The following PTPRU variants were observed in gnomAD, a reference collection of about 807,000 sequenced individuals.
PTPRU encodes the protein receptor-type tyrosine-protein phosphatase U.
A neutral mutation model predicts 166.3 loss-of-function variants in PTPRU; 69 were observed. The ratio of observed to expected loss-of-function variants is 0.41; its 90% CI spans 0.34 to 0.51. The LOEUF (loss-of-function observed/expected upper bound fraction) is 0.51. Ranked by LOEUF, PTPRU falls within the 20% of genes least tolerant of loss-of-function variation. The pLI is 0.09. For synonymous variants in PTPRU, 793 were observed against 814.0 expected (o/e 0.97, Z 0.44); for missense variants, 1,657 against 2,013.7 (o/e 0.82, Z 3.39).
At position 29,304,698 on chromosome 1, in the gene PTPRU, A is replaced by G. The variant is rs371199232; in HGVS notation, c.2668-76A>G. The G allele has an allele frequency of 1.2e-5, 14 of 1,179,600 alleles. No homozygotes were observed. The East Asian group carries it at 3.6e-4, about 30-fold the overall frequency. The allele number at this position is 1,179,600 out of a possible 1,614,324, so 73.1% of individuals were successfully genotyped here. A position where few individuals can be genotyped will look rare whatever the true frequency, so the allele number is the denominator to read the frequency against. ...ATCATCCCACCCCCATCCTGCCTAC[A>G]TCATCCCCACTGAGGGGAAGGGGCC... is the stretch of plus-strand genomic sequence containing the variant. On this transcript the variant is annotated intron_variant, in intron 16 of 29. Coordinates refer to ENST00000373779, the MANE Select transcript of PTPRU (RefSeq NM_133178.4).
chr1:29,259,225 A>G (rs1231626944), intron 3 of PTPRU, 36 bp from the exon 4 acceptor site: 5 of 1,583,222 alleles, frequency 3.2e-6, no homozygotes, highest in African/African-American at 1.4e-5. Context: ...GGCTGGAGGA[A>G]TATCAGTATG....
At chr1:29,277,551 G>A (rs932245610) in intron 8 of PTPRU, among the ~76,000 whole-genome samples, 2 of 152,128 alleles carry the variant, frequency 1.3e-5, no homozygotes, top group African/African-American at 4.8e-5. Flanking sequence ...ATGTTCCAGT[G>A]TATTTGAAAA....
At position 29,260,759 on chromosome 1, in the gene PTPRU, G is replaced by T. The variant is rs1574625378; in HGVS notation, c.1000G>T (p.Val334Leu). 1 of 1,612,966 alleles carries T rather than the reference G, an allele frequency of 6.2e-7. No individual in the cohort carries two copies. ...YRMARGPWAE[V>L]HAVSLQTYKL... Reference sequence around the variant, plus strand: ...CATGGCGCGCGGGCCCTGGGCTGAGGTGCACGCCGTCAGCCTGCAGACCTA... The same window carrying T: ...CATGGCGCGCGGGCCCTGGGCTGAGTTGCACGCCGTCAGCCTGCAGACCTA... The change falls in exon 7 of 30, where the codon GTG becomes TTG. Residue 334 changes from valine (V) to leucine (L), a missense_variant. This residue lies in a region of PTPRU where 453 missense variants were observed against 496.9 expected (regional missense o/e 0.91). Coordinates refer to ENST00000373779, the MANE Select transcript of PTPRU (RefSeq NM_133178.4). This position sits in a 1 kb window ranked among gnomAD's most constrained non-coding sequence, Gnocchi z 8.3.
intron 26 of PTPRU, among the ~76,000 whole-genome samples, chr1:29,323,062 G>A (rs934008024): frequency 2.0e-5 from 3 of 152,216 alleles, no homozygotes; most frequent in African/African-American, 7.2e-5. Context: ...GCCTCATGTA[G>A]GAGCGTGTGA....
rs755703576 is a variant in PTPRU, at chr1:29,320,857, G to A, written c.3828+32G>A. ...CCTCCACTGGCCAGGCCAATGGGCC[G>A]CCTGCTCCCAGGTCCTCTGTGTATT... On this transcript the variant is annotated intron_variant, in intron 26 of 29. Coordinates refer to ENST00000373779, the MANE Select transcript of PTPRU (RefSeq NM_133178.4). This position sits in a 1 kb window ranked among gnomAD's most constrained non-coding sequence, Gnocchi z 5.2. 2.2e-5 allele frequency: 34 copies of A among 1,518,686 alleles called. No individual in the cohort carries two copies. Among genetic ancestry groups the A allele is most frequent in the South Asian group, 3.9e-5 (3 of 77,142 alleles). The allele number at this position is 1,518,686 out of a possible 1,614,324, so 94.1% of individuals were successfully genotyped here.
intron 1 of PTPRU, among the ~76,000 whole-genome samples, chr1:29,240,214 T>G (rs1313536464): frequency 6.6e-6 from 1 of 151,214 alleles, no homozygotes; most frequent in Non-Finnish European, 1.5e-5. Flanking sequence ...TGATGCCCTG[T>G]CCTAGCCTAG....
chr1:29,259,828 C>A (rs770417978), intron 5 of PTPRU, 42 bp from the exon 6 acceptor site: 2 of 1,498,132 alleles, frequency 1.3e-6, no homozygotes, highest in South Asian at 1.3e-5. Flanking sequence ...CGGGACCCCT[C>A]GCTCCGAGGC....
Position 29,323,495 on chromosome 1 carries a change from G to A in PTPRU, c.3953G>A (p.Arg1318Gln), listed in dbSNP as rs755425089. The A allele has an allele frequency of 1.2e-6, 2 of 1,610,056 alleles. No homozygotes were observed. The highest frequency in any genetic ancestry group is 1.7e-6 in the Non-Finnish European group (2 of 1,178,336). ...ARVFRVQNIS[R>Q]LQEGHLLVRH... Reference sequence around the variant, plus strand: ...GTCTTCCGGGTGCAGAACATCTCTCGGGTGAGTGGTCTGAGGAGCCCCAGG... The same window carrying A: ...GTCTTCCGGGTGCAGAACATCTCTCAGGTGAGTGGTCTGAGGAGCCCCAGG... The change falls in exon 27 of 30, where the codon CGG (arginine) becomes CAG (glutamine). Residue 1318 changes from arginine (R) to glutamine (Q), a missense_variant and splice_region_variant. By Grantham distance (43) the Arg-to-Gln change is conservative (BLOSUM62 1). Transcript: ENST00000373779.
At position 29,297,052 on chromosome 1, in the gene PTPRU, G is replaced by GTTT. The variant is rs35789721; in HGVS notation, c.2476+5043_2476+5045dup. The stretch of plus-strand genomic sequence containing the variant: ...TACCATTTTACCCTGCTTAGTAGCT[G>GTTT]TTTTTTTTTTTTTTTTTTTGAAACA... On this transcript the variant is annotated intron_variant, in intron 15 of 29. Transcript: ENST00000373779. Among the ~76,000 whole-genome samples, 245 of 111,386 alleles carry GTTT rather than the reference G, an allele frequency of 2.2e-3. 14 individuals carry two copies. Among genetic ancestry groups the GTTT allele is most frequent in the African/African-American group, 6.8e-3 (196 of 28,814 alleles). 73.1% of individuals were successfully genotyped at this position (111,386 alleles called of 152,430 possible).
At chr1:29,298,955 C>T (rs1557463831) in intron 15 of PTPRU, among the ~76,000 whole-genome samples, 1 of 152,326 alleles carries the variant, frequency 6.6e-6, no homozygotes, top group South Asian at 2.1e-4. Flanking sequence ...GCTCTTATTA[C>T]AGGCTGTGCT....
chr1:29,285,360 G>A (rs1489197251), intron 14 of PTPRU, among the ~76,000 whole-genome samples: 1 of 152,160 alleles, frequency 6.6e-6, no homozygotes, highest in Non-Finnish European at 1.5e-5. Flanking sequence ...GGCTCAACTT[G>A]CCCTGGACCC....
intron 1 of PTPRU, among the ~76,000 whole-genome samples, chr1:29,248,782 G>A (rs997281459): frequency 6.6e-6 from 1 of 152,002 alleles, no homozygotes; most frequent in Non-Finnish European, 1.5e-5. Flanking sequence ...TCCCCCTTAG[G>A]TGCAGGCTTA....
rs777679604 is a variant in PTPRU at position 29,303,850 on chromosome 1, T to G, written c.2477-5T>G. 13 of 1,599,832 alleles carry G rather than the reference T, an allele frequency of 8.1e-6. No individual in the cohort carries two copies. In the South Asian group the frequency reaches 1.4e-4, roughly 18 times the overall value. On this transcript the variant is annotated splice_region_variant and splice_polypyrimidine_tract_variant and intron_variant, in intron 15 of 29. Transcript: ENST00000373779. ...AAGAACCCTTTTGTCTTTCTCTGACTGCAGGAGACCAGCGCAGCGGTGGGG... is the reference window on the plus strand; with the variant it reads ...AAGAACCCTTTTGTCTTTCTCTGACGGCAGGAGACCAGCGCAGCGGTGGGG...
intron 24 of PTPRU, among the ~76,000 whole-genome samples, chr1:29,316,633 C>T (rs1467265682): frequency 6.6e-6 from 1 of 152,168 alleles, no homozygotes; most frequent in Admixed American, 6.5e-5. Context: ...TTTCTGTCTG[C>T]CTTGGTTCTG....
In PTPRU at chr1:29,238,666, A is replaced by G. The variant is rs1430466146; in HGVS notation, c.73+1949A>G. Among the ~76,000 whole-genome samples, 2 of 151,948 alleles carry G rather than the reference A, an allele frequency of 1.3e-5. No homozygotes were observed. Among genetic ancestry groups the G allele is most frequent in the East Asian group, 3.9e-4 (2 of 5,162 alleles). The stretch of plus-strand genomic sequence containing the variant: ...CCTCCCCGTTCCCGAAAGGACGCCC[A>G]AGGCGACCTCCCACCCCATCCTCCC... On this transcript the variant is annotated intron_variant, in intron 1 of 29. Transcript: ENST00000373779. The surrounding 1 kb of genome is among the most constrained non-coding windows in gnomAD (Gnocchi z 6.1).
At chr1:29,322,507 G>A (rs1198275058) in intron 26 of PTPRU, among the ~76,000 whole-genome samples, 1 of 152,172 alleles carries the variant, frequency 6.6e-6, no homozygotes, top group East Asian at 1.9e-4. Flanking sequence ...AGGAGGTGGA[G>A]GAAGAGAGAC....
Position 29,310,754 on chromosome 1 carries a change from G to A in PTPRU, c.2831G>A (p.Arg944Lys), listed in dbSNP as rs532350399. ...CTCCTCCTGTTCCAGGGTTACCACA[G>A]GTCAAACCACTTCATAGCCACTCAA... is the stretch of plus-strand genomic sequence containing the variant. ...INANYIDGYH[R>K]SNHFIATQGP... Residue 944 changes from arginine to lysine, a missense_variant, in exon 19 of 30, where the codon AGG (arginine) becomes AAG (lysine). Transcript: ENST00000373779. The A allele has an allele frequency of 1.2e-6, 2 of 1,613,922 alleles. No homozygotes were observed. The highest frequency in any genetic ancestry group is 1.3e-5 in the African/African-American group (1 of 75,026).
chr1:29,302,242 TATAGA>T (rs1687171526), intron 15 of PTPRU, among the ~76,000 whole-genome samples: 1 of 151,620 alleles, frequency 6.6e-6, no homozygotes, highest in Non-Finnish European at 1.5e-5. Context: ...TAGAAAAAAG[TATAGA>T]ATAAAGATAG....
intron 25 of PTPRU, 152 bp downstream of exon 25, chr1:29,318,073 G>T (rs1687984898): frequency 9.2e-7 from 1 of 1,083,412 alleles, no homozygotes; most frequent in East Asian, 2.6e-5. Flanking sequence ...CCTACTCCTA[G>T]GGAGCTTCCA....
Sources: gnomAD v4.1 joint callset for allele counts (sites outside exome capture counted in the v4.1 genomes callset) on GRCh38, gnomAD v4.1.1 for gene constraint, gnomAD v4.1.1 regional missense constraint, Gnocchi (gnomAD v3.1) non-coding constraint, MANE v1.5 for transcripts, NCBI Gene and HGNC (gene_info 2026-07-23, HGNC 2026-07-21) for gene names.